The following COL25A1 variants were observed in gnomAD, a reference collection of about 807,000 sequenced individuals.
The protein encoded by COL25A1 is collagen alpha-1(XXV) chain.
In COL25A1, 103 loss-of-function variants were observed where a neutral mutation model predicts 128.4. The observed-to-expected ratio is 0.80, with a 90% CI of 0.68 to 0.94. The LOEUF (loss-of-function observed/expected upper bound fraction) is 0.94. COL25A1 is among the 40% of genes least tolerant of loss of function. The pLI, the probability that COL25A1 is intolerant of heterozygous loss-of-function variation, is 0.00. For missense variants in COL25A1, 745 were observed against 840.0 expected, an observed-to-expected ratio of 0.89 and a Z score of 1.40; for synonymous variants, 279 against 277.2, an observed-to-expected ratio of 1.01 and a Z score of -0.06.
At chr4:109,186,318 CTT>C (rs1266196059) in intron 3 of COL25A1, among the ~76,000 whole-genome samples, 1 of 152,150 alleles carries the variant, frequency 6.6e-6, no homozygotes, top group African/African-American at 2.4e-5. Context: ...TCTTTCTCAT[CTT>C]TTTTTGCATA....
chr4:108,941,093 G>A (rs886758426), intron 9 of COL25A1, among the ~76,000 whole-genome samples: 17 of 152,078 alleles, frequency 1.1e-4, no homozygotes, highest in African/African-American at 4.1e-4. Context: ...ACCAAATCTA[G>A]AGAGCTTAGA....
At chr4:108,981,580 T>C (rs1752977892) in intron 6 of COL25A1, among the ~76,000 whole-genome samples, 1 of 152,196 alleles carries the variant, frequency 6.6e-6, no homozygotes, top group Non-Finnish European at 1.5e-5. Flanking sequence ...AGAGTTACTT[T>C]AAAATGCAGT....
intron 3 of COL25A1, among the ~76,000 whole-genome samples, chr4:109,216,147 T>C (rs934692222): frequency 7.2e-5 from 11 of 152,226 alleles, no homozygotes; most frequent in African/African-American, 2.2e-4. Flanking sequence ...ACTTAGAATA[T>C]AAGTGCATGA....
chr4:109,085,692 A>G (rs1764291098), intron 3 of COL25A1, among the ~76,000 whole-genome samples: 1 of 152,172 alleles, frequency 6.6e-6, no homozygotes, highest in South Asian at 2.1e-4. Context: ...CACCTTTCCA[A>G]CCTATTTCCT....
intron 3 of COL25A1, among the ~76,000 whole-genome samples, chr4:109,114,846 C>T (rs903054938): frequency 2.6e-5 from 4 of 151,992 alleles, no homozygotes; most frequent in Admixed American, 6.6e-5. Context: ...CAGGACCACC[C>T]AACTTTTGGT....
At chr4:108,832,974 A>AATAAATAAATACATAAATAAATAC (rs1553944785) in intron 31 of COL25A1, among the ~76,000 whole-genome samples, 6 of 110,074 alleles carry the variant, frequency 5.5e-5, no homozygotes, top group African/African-American at 2.3e-4. Flanking sequence ...CTCAAAAAAT[A>AATAAATAAATACATAAATAAATAC]ATAAATAAAT....
In COL25A1 at chr4:108,808,937, A is replaced by G. The variant is rs1050613900; in HGVS notation, c.*4990T>C. On this transcript the variant is annotated 3_prime_UTR_variant, in exon 38 of 38. Transcript: ENST00000399132. ...ACTGGAAACTGAACACAATGCAATT[A>G]TCTCCAAACCGCAAATCAAAAATCT... The G allele has an allele frequency of 2.0e-5, 3 of 152,226 alleles. No individual in the cohort carries two copies. The highest frequency in any genetic ancestry group is 4.4e-5 in the Non-Finnish European group (3 of 68,028). The allele number at this position is 152,226 out of a possible 1,614,324, so 9.4% of individuals were successfully genotyped here. A position where few individuals can be genotyped will look rare whatever the true frequency, so the allele number is the denominator to read the frequency against.
chr4:109,211,810 T>G (rs183971121), intron 3 of COL25A1, among the ~76,000 whole-genome samples: 2 of 152,144 alleles, frequency 1.3e-5, no homozygotes, highest in Non-Finnish European at 2.9e-5. Context: ...AACTGGAGCT[T>G]CCACCTGCTA....
At chr4:109,056,992 T>G (rs2125955500) in intron 3 of COL25A1, among the ~76,000 whole-genome samples, 1 of 152,292 alleles carries the variant, frequency 6.6e-6, no homozygotes, top group South Asian at 2.1e-4. Context: ...CCTGAACAGC[T>G]TGGGCTACAG....
intron 3 of COL25A1, among the ~76,000 whole-genome samples, chr4:109,102,650 A>T (rs1439649577): frequency 1.3e-5 from 2 of 152,094 alleles, no homozygotes; most frequent in Non-Finnish European, 1.5e-5. Flanking sequence ...CAGTTCTGTT[A>T]ATGTTTGCTT....
chr4:109,092,764 C>T (rs1765032156), intron 3 of COL25A1, among the ~76,000 whole-genome samples: 1 of 152,080 alleles, frequency 6.6e-6, no homozygotes, highest in Admixed American at 6.6e-5. Flanking sequence ...TGCATACTTA[C>T]CTTACTTTCT....
intron 5 of COL25A1, among the ~76,000 whole-genome samples, chr4:109,031,730 G>A (rs1758885350): frequency 6.6e-6 from 1 of 152,126 alleles, no homozygotes. Context: ...AGCCTGTGTA[G>A]AGGCCCTTAG....
intron 3 of COL25A1, among the ~76,000 whole-genome samples, chr4:109,096,745 T>C (rs1344448780): frequency 6.6e-6 from 1 of 152,208 alleles, no homozygotes; most frequent in Non-Finnish European, 1.5e-5. Flanking sequence ...TTTTGTATAA[T>C]AAATCAACCA....
chr4:109,169,709 T>C (rs558613666), intron 3 of COL25A1, among the ~76,000 whole-genome samples: 3 of 152,312 alleles, frequency 2.0e-5, no homozygotes, highest in African/African-American at 7.2e-5. Context: ...TTGTATCTTT[T>C]CTTCAACTAA....
At chr4:109,239,416 A>T (rs952907621) in intron 3 of COL25A1, among the ~76,000 whole-genome samples, 3,543 of 135,578 alleles carry the variant, frequency 0.026, 123 homozygotes, top group African/African-American at 0.083. Flanking sequence ...ATATATATAT[A>T]TATATATTTA....
intron 3 of COL25A1, among the ~76,000 whole-genome samples, chr4:109,168,362 A>G (rs1440722476): frequency 6.6e-6 from 1 of 152,216 alleles, no homozygotes; most frequent in Non-Finnish European, 1.5e-5. Flanking sequence ...AGCAACTACC[A>G]GCAACAGAGT....
intron 19 of COL25A1, among the ~76,000 whole-genome samples, chr4:108,879,117 G>A (rs951918545): frequency 1.2e-4 from 18 of 152,138 alleles, no homozygotes; most frequent in African/African-American, 4.3e-4. Context: ...TCCTAGGAAT[G>A]CCAGAGTAAA....
chr4:109,052,263 A>C (rs1437461868), intron 3 of COL25A1, among the ~76,000 whole-genome samples: 2 of 152,188 alleles, frequency 1.3e-5, no homozygotes, highest in African/African-American at 4.8e-5. Flanking sequence ...AAAAACCAAA[A>C]TATAAATATT....
chr4:108,932,657 A>G (rs184016925), intron 11 of COL25A1, among the ~76,000 whole-genome samples: 275 of 152,322 alleles, frequency 1.8e-3, no homozygotes, highest in African/African-American at 6.1e-3. Flanking sequence ...AAAAAATAAT[A>G]TACATGAAAC....
Sources: gnomAD v4.1 joint callset for allele counts (sites outside exome capture counted in the v4.1 genomes callset) on GRCh38, gnomAD v4.1.1 for gene constraint, MANE v1.5 for transcripts, NCBI Gene and HGNC (gene_info 2026-07-23, HGNC 2026-07-21) for gene names.